Variants in PCDHA13 observed in about 807,000 individuals in gnomAD.
The protein encoded by PCDHA13 is protocadherin alpha-13.
Under a neutral mutation model 64.8 loss-of-function variants are expected in PCDHA13, and 54 were observed. That is an observed-to-expected ratio of 0.83 (90% CI 0.67 to 1.04). The LOEUF is 1.04. Ranked by LOEUF, PCDHA13 falls within the 50% of genes least tolerant of loss-of-function variation. The probability of loss-of-function intolerance (pLI) is 0.00; values close to 1 mark genes in which losing one functional copy is unlikely to be tolerated. For synonymous variants in PCDHA13, 587 were observed against 564.4 expected, an observed-to-expected ratio of 1.04 and a Z score of -0.57; for missense variants, 1,248 against 1,254.3, an observed-to-expected ratio of 0.99 and a Z score of 0.08.
chr5:140,921,940 C>T (rs114983283), intron 1 of PCDHA13, among the ~76,000 whole-genome samples: 6,108 of 151,846 alleles, frequency 0.04, 136 homozygotes, highest in Non-Finnish European at 0.052. Context: ...TATAATTTTA[C>T]ACTTGTAAAA....
Position 140,884,563 on chromosome 5 carries a change from T to G in PCDHA13, c.2295T>G (p.His765Gln). The G allele has an allele frequency of 2.5e-6, 4 of 1,614,150 alleles. No individual in the cohort carries two copies. Among genetic ancestry groups the G allele is most frequent in the Non-Finnish European group, 3.4e-6 (4 of 1,180,026 alleles). The change falls in exon 1 of 4, where the codon CAT becomes CAG. Residue 765 changes from histidine (H) to glutamine (Q), a missense_variant. His to Gln is a conservative substitution (Grantham distance 24). Coordinates refer to ENST00000289272, the MANE Select transcript of PCDHA13 (RefSeq NM_018904.3). ...RPRVCSGEGP[H>Q]KTDLMAFSPS... is the part of the protein sequence containing the mutation. ...GGGTGTGCTCTGGGGAGGGCCCGCATAAGACGGACCTCATGGCCTTCAGTC... is the reference window on the plus strand; with the variant it reads ...GGGTGTGCTCTGGGGAGGGCCCGCAGAAGACGGACCTCATGGCCTTCAGTC...
intron 1 of PCDHA13, among the ~76,000 whole-genome samples, chr5:140,894,192 T>C (rs1554185971): frequency 4.6e-5 from 7 of 152,168 alleles, no homozygotes; most frequent in Non-Finnish European, 1.5e-5. Flanking sequence ...TTATATATTT[T>C]TTCTATGCTA....
intron 1 of PCDHA13, among the ~76,000 whole-genome samples, chr5:140,949,245 A>G (rs782212374): frequency 2.4e-4 from 37 of 151,798 alleles, no homozygotes; most frequent in Non-Finnish European, 4.3e-4. Context: ...GCAACAGTCT[A>G]TCTTGATGAA....
At chr5:140,928,204 G>A (rs1554205615) in intron 1 of PCDHA13, 4 of 1,614,236 alleles carry the variant, frequency 2.5e-6, no homozygotes, top group Middle Eastern at 1.6e-4. Flanking sequence ...AGTTGCTGAT[G>A]TGAATGACAA....
At chr5:141,000,950 T>C (rs781867970) in intron 3 of PCDHA13, among the ~76,000 whole-genome samples, 2 of 152,214 alleles carry the variant, frequency 1.3e-5, no homozygotes, top group Non-Finnish European at 2.9e-5. Flanking sequence ...ATTATCTTGC[T>C]GTAATTTAAG....
At chr5:140,927,638 G>C (rs781909639) in intron 1 of PCDHA13, 1 of 1,614,024 alleles carries the variant, frequency 6.2e-7, no homozygotes, top group Admixed American at 1.7e-5. Flanking sequence ...GCACCCAATG[G>C]GACTGTGTTA....
intron 1 of PCDHA13, among the ~76,000 whole-genome samples, chr5:140,923,350 A>G (rs2081329332): frequency 6.6e-6 from 1 of 152,092 alleles, no homozygotes; most frequent in Non-Finnish European, 1.5e-5. Flanking sequence ...ACATAGTGGG[A>G]CCCTATCTTT....
At chr5:140,945,164 T>C (rs246060) in intron 1 of PCDHA13, among the ~76,000 whole-genome samples, 85,686 of 151,808 alleles carry the variant, frequency 0.56, 24,785 homozygotes, top group African/African-American at 0.69. Flanking sequence ...TATTGAACTA[T>C]CTGAAAAATA....
Position 140,882,768 on chromosome 5 carries a change from C to CA in PCDHA13, c.501dup (p.Leu168IlefsTer20). On this transcript the variant is annotated frameshift_variant, in exon 1 of 4. Transcript: ENST00000289272. LOFTEE classifies it high-confidence loss of function. Reference sequence around the variant, plus strand: ...GATGCAGATATTGGAGTAAACTCGGCATTGACCTACCGACTGGATCCCAAC... The same window carrying CA: ...GATGCAGATATTGGAGTAAACTCGGCAATTGACCTACCGACTGGATCCCAAC... The CA allele has an allele frequency of 6.2e-7, 1 of 1,614,222 alleles. No homozygotes were observed. Among genetic ancestry groups the CA allele is most frequent in the Non-Finnish European group, 8.5e-7 (1 of 1,180,050 alleles).
At chr5:140,891,424 G>A (rs932574419) in intron 1 of PCDHA13, among the ~76,000 whole-genome samples, 1 of 146,144 alleles carries the variant, frequency 6.8e-6, no homozygotes, top group Non-Finnish European at 1.5e-5. Context: ...TTGCCCCCAA[G>A]TCCCCAACGT....
At chr5:140,982,391 G>T (rs539713475) in intron 2 of PCDHA13, 84 bp from the exon 3 acceptor site, 2 of 1,597,556 alleles carry the variant, frequency 1.3e-6, no homozygotes, top group South Asian at 1.1e-5. Flanking sequence ...TGGCTTCATA[G>T]TTGTAAGCAA....
At chr5:140,988,756 A>G (rs577332845) in intron 3 of PCDHA13, among the ~76,000 whole-genome samples, 170 of 152,318 alleles carry the variant, frequency 1.1e-3, no homozygotes, top group African/African-American at 4.0e-3. Flanking sequence ...TGGCCTGGGC[A>G]GAATACAGTC....
intron 3 of PCDHA13, among the ~76,000 whole-genome samples, chr5:140,990,983 A>G (rs3776109): frequency 0.049 from 7,423 of 152,298 alleles, 240 homozygotes; most frequent in South Asian, 0.11. Flanking sequence ...AAAGGAAGAC[A>G]ATAGCTACCA....
Position 140,882,332 on chromosome 5 carries a change from G to T in PCDHA13, c.64G>T (p.Ala22Ser), listed in dbSNP as rs782439110. The T allele has an allele frequency of 1.2e-5, 20 of 1,614,060 alleles. No homozygotes were observed. Among genetic ancestry groups the T allele is most frequent in the Non-Finnish European group, 1.7e-5 (20 of 1,180,052 alleles). ...ACTACTGCTCTGGCTTCTGATCCTC[G>T]CAGCCTGGGAGACGGGTAGTGGCCA... ...RQLLLWLLIL[A>S]AWETGSGQLH... The change falls in exon 1 of 4, where the codon GCA becomes TCA. Residue 22 changes from alanine to serine, a missense_variant. Transcript: ENST00000289272.
chr5:141,003,740 C>T (rs1490080996), intron 3 of PCDHA13, among the ~76,000 whole-genome samples: 1 of 152,146 alleles, frequency 6.6e-6, no homozygotes, highest in African/African-American at 2.4e-5. Flanking sequence ...AAAGCAAAAC[C>T]ATATTTTGTA....
In PCDHA13 at chr5:140,978,986, C is replaced by T. The variant is rs138901709; in HGVS notation, c.2432C>T (p.Ser811Phe). The change falls in exon 2 of 4, where the codon TCC (serine) becomes TTC (phenylalanine). Residue 811 changes from serine (S) to phenylalanine (F), a missense_variant. Physicochemically the swap from Ser to Phe is radical, Grantham distance 155. Transcript: ENST00000289272. ...AACCCTGACTGGCGTTACTCTGCCT[C>T]CCTGAGAGCAGGCATGCACAGGTAT... Reference protein sequence around the residue: ...QPNPDWRYSASLRAGMHSSVH... With the variant: ...QPNPDWRYSAFLRAGMHSSVH... 56 of 1,614,072 alleles carry T rather than the reference C, an allele frequency of 3.5e-5. No individual in the cohort carries two copies. The highest frequency in any genetic ancestry group is 4.5e-5 in the Non-Finnish European group (53 of 1,180,028).
In PCDHA13 at chr5:140,882,217, A is replaced by C; in HGVS notation, c.-52A>C. 6.5e-7 allele frequency: 1 copy of C among 1,542,972 alleles called. No homozygotes were observed. The highest frequency in any genetic ancestry group is 8.7e-7 in the Non-Finnish European group (1 of 1,144,436). On this transcript the variant is annotated 5_prime_UTR_variant, in exon 1 of 4. Transcript: ENST00000289272. Reference sequence around the variant, plus strand: ...AAATTGGGCCTTGAGAGACAGTTTGAGGTAAGGCGTTGTATATATTGCAGA... The same window carrying C: ...AAATTGGGCCTTGAGAGACAGTTTGCGGTAAGGCGTTGTATATATTGCAGA...
chr5:141,003,589 A>G (rs781995684), intron 3 of PCDHA13, among the ~76,000 whole-genome samples: 9 of 152,170 alleles, frequency 5.9e-5, no homozygotes, highest in Non-Finnish European at 1.3e-4. Context: ...CTGGGATTTT[A>G]GATGTGAGCC....
At position 140,967,566 on chromosome 5, in the gene PCDHA13, G is replaced by T. The variant is rs1586227015; in HGVS notation, c.2395-11383G>T. The stretch of plus-strand genomic sequence containing the variant: ...CAGTCCACTTATCGCGTCCAGCTAC[G>T]GGAGGACTCACCCCCAGGCACATTG... On this transcript the variant is annotated intron_variant, in intron 1 of 3. Coordinates refer to ENST00000289272, the MANE Select transcript of PCDHA13 (RefSeq NM_018904.3). 6 of 1,614,060 alleles carry T rather than the reference G, an allele frequency of 3.7e-6. No homozygotes were observed. In the East Asian group the frequency reaches 1.3e-4, roughly 36 times the overall value.
Sources: allele counts gnomAD v4.1 joint callset (sites outside exome capture counted in the v4.1 genomes callset), GRCh38; gene constraint gnomAD v4.1.1; transcripts MANE v1.5; gene names NCBI Gene and HGNC (gene_info 2026-07-23, HGNC 2026-07-21).